VAT1L: variants seen among roughly 807,000 people sequenced by gnomAD.
The protein encoded by VAT1L is vesicle amine transport 1 like.
VAT1L carries 34 observed loss-of-function variants against 44.1 expected under a neutral mutation model. That is an observed-to-expected ratio of 0.77 (90% CI 0.59 to 1.03). The LOEUF (loss-of-function observed/expected upper bound fraction) is 1.03. Ranked by LOEUF, VAT1L falls within the 50% of genes least tolerant of loss-of-function variation. The pLI, the probability that VAT1L is intolerant of heterozygous loss-of-function variation, is 0.00. For missense variants in VAT1L, 615 were observed against 538.8 expected (o/e 1.14, Z -1.40); for synonymous variants, 253 against 202.2 (o/e 1.25, Z -2.13).
chr16:77,960,831 C>T (rs1277542162), intron 7 of VAT1L, among the ~76,000 whole-genome samples: 1 of 152,056 alleles, frequency 6.6e-6, no homozygotes, highest in Non-Finnish European at 1.5e-5. Context: ...ACAGTAATGA[C>T]TATAACTACT....
chr16:77,964,749 C>T (rs1257741990), intron 7 of VAT1L, among the ~76,000 whole-genome samples: 1 of 144,854 alleles, frequency 6.9e-6, no homozygotes, highest in Non-Finnish European at 1.5e-5. Flanking sequence ...TATTCTCCAT[C>T]GTGGAACACT....
intron 7 of VAT1L, among the ~76,000 whole-genome samples, chr16:77,970,324 T>C (rs1258684317): frequency 6.6e-6 from 1 of 152,260 alleles, no homozygotes; most frequent in Non-Finnish European, 1.5e-5. Flanking sequence ...TTTGATAATA[T>C]GTTACCAGAC....
intron 7 of VAT1L, among the ~76,000 whole-genome samples, chr16:77,925,836 TC>T (rs111777183): frequency 1.3e-5 from 2 of 151,866 alleles, no homozygotes; most frequent in Non-Finnish European, 2.9e-5. Context: ...TTCCTTTAAT[TC>T]CCCCCACCTC....
intron 4 of VAT1L, among the ~76,000 whole-genome samples, chr16:77,869,285 TC>T (rs1169585901): frequency 6.6e-6 from 1 of 152,184 alleles, no homozygotes; most frequent in Non-Finnish European, 1.5e-5. Flanking sequence ...TGTAATGACT[TC>T]CTTTAGACAA....
At chr16:77,824,996 AGCTGGGACTACAG>A (rs2016502141) in intron 2 of VAT1L, among the ~76,000 whole-genome samples, 1 of 149,516 alleles carries the variant, frequency 6.7e-6, no homozygotes, top group African/African-American at 2.5e-5. Flanking sequence ...CCTCCTGAAT[AGCTGGGACTACAG>A]GCATGCGCCA....
intron 3 of VAT1L, among the ~76,000 whole-genome samples, chr16:77,832,183 T>C (rs1258163523): frequency 6.6e-6 from 1 of 151,976 alleles, no homozygotes; most frequent in Non-Finnish European, 1.5e-5. Flanking sequence ...GTGTTGGCAT[T>C]AAGGAAGTAT....
chr16:77,876,277 G>C (rs1457679927), intron 4 of VAT1L, 93 bp from the exon 5 acceptor site: 13 of 1,141,940 alleles, frequency 1.1e-5, no homozygotes, highest in Non-Finnish European at 1.6e-5. Flanking sequence ...TCCTAATTCT[G>C]AGAGTCAGAC....
chr16:77,856,586 G>C (rs561024703), intron 3 of VAT1L, among the ~76,000 whole-genome samples: 12 of 152,232 alleles, frequency 7.9e-5, no homozygotes, highest in South Asian at 2.1e-4. Context: ...CCAGTCTGTC[G>C]ATCAGGGTCA....
At chr16:77,887,096 G>A (rs1245746144) in intron 7 of VAT1L, among the ~76,000 whole-genome samples, 1 of 152,164 alleles carries the variant, frequency 6.6e-6, no homozygotes, top group Non-Finnish European at 1.5e-5. Context: ...TATCATTGGA[G>A]CTGGAACATG....
chr16:77,965,258 G>C (rs1455848627), intron 7 of VAT1L, among the ~76,000 whole-genome samples: 1 of 152,180 alleles, frequency 6.6e-6, no homozygotes, highest in Non-Finnish European at 1.5e-5. Context: ...GTGAACGAAT[G>C]AGTAGTATAG....
intron 3 of VAT1L, among the ~76,000 whole-genome samples, chr16:77,849,823 C>T (rs181699990): frequency 5.4e-4 from 82 of 152,298 alleles, no homozygotes; most frequent in South Asian, 1.2e-3. Flanking sequence ...GGTCCTGTCC[C>T]GCCCAGAACA....
intron 7 of VAT1L, among the ~76,000 whole-genome samples, chr16:77,905,430 TC>T (rs1597092169): frequency 1.3e-5 from 2 of 152,266 alleles, no homozygotes; most frequent in East Asian, 3.9e-4. Context: ...GGAGGTTTTT[TC>T]AGAAGTTCCC....
At chr16:77,933,358 C>G (rs1191445436) in intron 7 of VAT1L, among the ~76,000 whole-genome samples, 1 of 152,184 alleles carries the variant, frequency 6.6e-6, no homozygotes, top group African/African-American at 2.4e-5. Flanking sequence ...TTACCTTAAA[C>G]AGTTGTTGTG....
Position 77,825,344 on chromosome 16 carries a change from C to G in VAT1L, c.462C>G (p.Ser154Arg), listed in dbSNP as rs757462283. The change falls in exon 3 of 9, where the codon AGC (serine) becomes AGG (arginine). Residue 154 changes from serine to arginine, a missense_variant. Coordinates refer to ENST00000302536, the MANE Select transcript of VAT1L (RefSeq NM_020927.3). ...TCTACAAGATCCCGGATGACATGAG[C>G]TTCTCCGAGGCTGCTGCATTCCCCA... ...EFVYKIPDDMSFSEAAAFPMN... is the reference protein window; with the variant it reads ...EFVYKIPDDMRFSEAAAFPMN... 10 of 1,614,108 alleles carry G rather than the reference C, an allele frequency of 6.2e-6. No homozygotes were observed. The Admixed American group carries it at 8.3e-5, about 13-fold the overall frequency.
intron 2 of VAT1L, among the ~76,000 whole-genome samples, chr16:77,820,393 C>G (rs913064819): frequency 6.6e-6 from 1 of 152,146 alleles, no homozygotes; most frequent in African/African-American, 2.4e-5. Context: ...TCAGCAAAAA[C>G]ACACATTTAG....
intron 3 of VAT1L, among the ~76,000 whole-genome samples, chr16:77,832,774 G>C (rs1222245694): frequency 6.6e-6 from 1 of 152,142 alleles, no homozygotes; most frequent in Non-Finnish European, 1.5e-5. Flanking sequence ...ATCTATAAAG[G>C]GGGCATTATG....
chr16:77,905,791 G>A (rs1007656467), intron 7 of VAT1L, among the ~76,000 whole-genome samples: 6 of 152,074 alleles, frequency 3.9e-5, no homozygotes, highest in African/African-American at 1.4e-4. Flanking sequence ...CTTATCATAG[G>A]CCTGCAGTGT....
At chr16:77,946,286 T>TTTTTTTTTTTTTTTG (rs2017965212) in intron 7 of VAT1L, among the ~76,000 whole-genome samples, 1 of 100,100 alleles carries the variant, frequency 1.0e-5, no homozygotes, top group Non-Finnish European at 2.1e-5. Flanking sequence ...GTTCTTTTTT[T>TTTTTTTTTTTTTTTG]TTTTTTTTTT....
chr16:77,939,329 G>A (rs1202973936), intron 7 of VAT1L, among the ~76,000 whole-genome samples: 3 of 151,214 alleles, frequency 2.0e-5, no homozygotes, highest in African/African-American at 7.3e-5. Flanking sequence ...TTGTGTGCAT[G>A]TTTTTTCCAG....
Sources: gnomAD v4.1 joint callset for allele counts (sites outside exome capture counted in the v4.1 genomes callset) on GRCh38, gnomAD v4.1.1 for gene constraint, MANE v1.5 for transcripts, NCBI Gene and HGNC (gene_info 2026-07-23, HGNC 2026-07-21) for gene names.